GRIK3: variants seen among roughly 807,000 people sequenced by gnomAD.
The protein encoded by GRIK3 is glutamate receptor ionotropic, kainate 3.
Under a neutral mutation model 102.5 loss-of-function variants are expected in GRIK3, and 29 were observed. That is an observed-to-expected ratio of 0.28 (90% CI 0.21 to 0.39). The LOEUF is 0.39. GRIK3 is among the 10% of genes least tolerant of loss of function. The pLI is 1.00. For synonymous variants in GRIK3, 511 were observed against 504.9 expected, an observed-to-expected ratio of 1.01 and a Z score of -0.16; for missense variants, 908 against 1,252.4, an observed-to-expected ratio of 0.73 and a Z score of 4.15.
intron 1 of GRIK3, among the ~76,000 whole-genome samples, chr1:37,032,403 T>C (rs1230081067): frequency 6.6e-6 from 1 of 152,010 alleles, no homozygotes; most frequent in East Asian, 1.9e-4. Context: ...CCCCACCTTT[T>C]TCCCCAAGGA....
At chr1:37,006,663 G>A (rs761774876) in intron 1 of GRIK3, among the ~76,000 whole-genome samples, 25 of 152,242 alleles carry the variant, frequency 1.6e-4, no homozygotes, top group Non-Finnish European at 3.4e-4. Flanking sequence ...AACCAGGCAC[G>A]TGGGCTAGAC....
intron 2 of GRIK3, among the ~76,000 whole-genome samples, chr1:36,883,581 G>T (rs1170708387): frequency 2.0e-5 from 3 of 152,198 alleles, no homozygotes; most frequent in Admixed American, 1.3e-4. Context: ...GGGCAAGTGG[G>T]CAGGAAATTC....
intron 1 of GRIK3, among the ~76,000 whole-genome samples, chr1:37,013,789 A>AAG (rs1347748691): frequency 2.0e-5 from 3 of 152,212 alleles, no homozygotes; most frequent in African/African-American, 4.8e-5. Context: ...GAAAGGGCCA[A>AAG]ATATATCAAG....
intron 1 of GRIK3, among the ~76,000 whole-genome samples, chr1:37,014,210 C>T (rs375614279): frequency 7.7e-4 from 117 of 152,322 alleles, no homozygotes; most frequent in African/African-American, 2.4e-3. Context: ...TGTTTGTTGC[C>T]CTAAGTAGAG....
chr1:36,824,378 G>C (rs1470076822), intron 11 of GRIK3, among the ~76,000 whole-genome samples: 3 of 152,188 alleles, frequency 2.0e-5, no homozygotes, highest in African/African-American at 7.2e-5. Flanking sequence ...ATAAATGAAG[G>C]CCTCTCTGTG....
chr1:36,985,151 AG>A (rs1472691561), intron 1 of GRIK3, among the ~76,000 whole-genome samples: 7 of 151,902 alleles, frequency 4.6e-5, no homozygotes, highest in Non-Finnish European at 1.0e-4. Flanking sequence ...GCCAAAGAAG[AG>A]GGGGTGGGAG....
At chr1:36,983,250 T>C (rs1184065334) in intron 1 of GRIK3, among the ~76,000 whole-genome samples, 2 of 152,088 alleles carry the variant, frequency 1.3e-5, no homozygotes, top group East Asian at 1.9e-4. Context: ...AAACCGGGGA[T>C]ACTCACATTG....
chr1:36,942,399 A>C (rs1461514781), intron 1 of GRIK3, among the ~76,000 whole-genome samples: 1 of 152,192 alleles, frequency 6.6e-6, no homozygotes, highest in Admixed American at 6.5e-5. Context: ...CTTGGACTTC[A>C]AAGGCTCCTC....
intron 1 of GRIK3, among the ~76,000 whole-genome samples, chr1:37,031,480 G>A (rs934182510): frequency 6.6e-6 from 1 of 152,240 alleles, no homozygotes; most frequent in Non-Finnish European, 1.5e-5. Context: ...CCCCAAAAGA[G>A]GCACAAAGAG....
chr1:36,804,965 G>C (rs767869654), intron 15 of GRIK3, 22 bp downstream of exon 15: 54 of 1,613,206 alleles, frequency 3.3e-5, no homozygotes, highest in Non-Finnish European at 4.0e-5. Context: ...ATCCTGTGCA[G>C]GCTCCAAGCT....
chr1:36,939,278 T>C (rs1466440254), intron 1 of GRIK3, among the ~76,000 whole-genome samples: 1 of 152,212 alleles, frequency 6.6e-6, no homozygotes, highest in Admixed American at 6.5e-5. Context: ...GCAGCCTTTC[T>C]CCTGCAGGGT....
At chr1:37,019,862 C>T (rs1642692316) in intron 1 of GRIK3, among the ~76,000 whole-genome samples, 1 of 152,356 alleles carries the variant, frequency 6.6e-6, no homozygotes, top group Non-Finnish European at 1.5e-5. Flanking sequence ...GCCAGAGCCC[C>T]TGAAGTAGCC....
At chr1:36,863,806 C>T (rs1557706733) in intron 5 of GRIK3, among the ~76,000 whole-genome samples, 1 of 152,170 alleles carries the variant, frequency 6.6e-6, no homozygotes, top group Non-Finnish European at 1.5e-5. Context: ...TCTGTCTCCC[C>T]TATGAGCTAT....
chr1:36,796,447 G>A lies in GRIK3; in HGVS notation c.*5404C>T, dbSNP rs944137635. 4 of 152,470 alleles carry A rather than the reference G, an allele frequency of 2.6e-5. No homozygotes were observed. The East Asian group carries it at 7.7e-4, about 29-fold the overall frequency. 9.4% of individuals were successfully genotyped at this position (152,470 alleles called of 1,614,324 possible). A position where few individuals can be genotyped will look rare whatever the true frequency, so the allele number is the denominator to read the frequency against. ...CTGGTCTCTGGGTCAAATGGGGCTG[G>A]GGAGGTTGTCTGAGGCAAGGCAAAC... is the stretch of plus-strand genomic sequence containing the variant. On this transcript the variant is annotated 3_prime_UTR_variant, in exon 16 of 16. Transcript: ENST00000373091.
intron 1 of GRIK3, among the ~76,000 whole-genome samples, chr1:37,011,931 A>G (rs1330294274): frequency 6.6e-6 from 1 of 151,978 alleles, no homozygotes; most frequent in African/African-American, 2.4e-5. Context: ...TTTTGGGGGG[A>G]CGTGGGCAGA....
intron 10 of GRIK3, among the ~76,000 whole-genome samples, chr1:36,836,227 T>G (rs1243967638): frequency 6.6e-6 from 1 of 152,236 alleles, no homozygotes; most frequent in Non-Finnish European, 1.5e-5. Context: ...CAGATCTGCT[T>G]CTGGTTAGAA....
chr1:37,021,091 AGTGTGTGTGT>A (rs140990633), intron 1 of GRIK3, among the ~76,000 whole-genome samples: 2 of 143,932 alleles, frequency 1.4e-5, no homozygotes, highest in African/African-American at 2.6e-5. Flanking sequence ...CAAATTTGCA[AGTGTGTGTGT>A]GTGTGTGTGT....
At chr1:36,808,501 A>G (rs1232183028) in intron 13 of GRIK3, among the ~76,000 whole-genome samples, 2 of 152,168 alleles carry the variant, frequency 1.3e-5, no homozygotes, top group Admixed American at 6.5e-5. Flanking sequence ...GAGTTGCCCT[A>G]TGGAGAGGTT....
At chr1:36,909,997 A>C (rs570653211) in intron 1 of GRIK3, among the ~76,000 whole-genome samples, 1 of 152,246 alleles carries the variant, frequency 6.6e-6, no homozygotes, top group South Asian at 2.1e-4. Context: ...TGACCTCCAA[A>C]ACCAGGGGGA....
Sources: gnomAD v4.1 joint callset for allele counts (sites outside exome capture counted in the v4.1 genomes callset) on GRCh38, gnomAD v4.1.1 for gene constraint, MANE v1.5 for transcripts, NCBI Gene and HGNC (gene_info 2026-07-23, HGNC 2026-07-21) for gene names.